RANBP2: variants seen among roughly 807,000 people sequenced by gnomAD.
RANBP2 encodes the protein RAN binding protein 2.
A neutral mutation model predicts 303.6 loss-of-function variants in RANBP2; 57 were observed. The ratio of observed to expected loss-of-function variants is 0.19; its 90% CI spans 0.15 to 0.23. RANBP2 has a LOEUF of 0.23. RANBP2 is among the 10% of genes least tolerant of loss of function. RANBP2 has a pLI of 1.00. For synonymous variants in RANBP2, 1,167 were observed against 1,301.5 expected (o/e 0.90, Z 2.23); for missense variants, 3,138 against 3,780.8 (o/e 0.83, Z 4.46).
At chr2:108,936,926 TC>T in the RANBP2 span, among the ~76,000 whole-genome samples, 1 of 152,224 alleles carries the variant, frequency 6.6e-6, no homozygotes, top group Non-Finnish European at 1.5e-5. Flanking sequence ...CTCAGTGATT[TC>T]TGACCCATTT....
intron 17 of RANBP2, among the ~76,000 whole-genome samples, chr2:108,755,492 A>G (rs1278635190): frequency 1.3e-5 from 2 of 151,754 alleles, no homozygotes; most frequent in African/African-American, 2.4e-5. Flanking sequence ...CTAGCTCAAG[A>G]GAGGCTCTTG....
In RANBP2 at chr2:108,784,175, A is replaced by G. The variant is rs1415825765; in HGVS notation, c.*274A>G. On this transcript the variant is annotated 3_prime_UTR_variant, in exon 29 of 29. Transcript: ENST00000283195. The stretch of plus-strand genomic sequence containing the variant: ...GAATAATACTAATCTTGTTAAAAGC[A>G]ATAGACCTCAAACTATTGAAGGAAT... 5.8e-6 allele frequency: 2 copies of G among 344,286 alleles called. No homozygotes were observed. Among genetic ancestry groups the G allele is most frequent in the East Asian group, 1.1e-4 (2 of 18,092 alleles). 21.3% of individuals were successfully genotyped at this position (344,286 alleles called of 1,614,324 possible). A position where few individuals can be genotyped will look rare whatever the true frequency, so the allele number is the denominator to read the frequency against.
the RANBP2 span, among the ~76,000 whole-genome samples, chr2:109,110,763 A>AAGACAGGCAAGACC: frequency 1.3e-5 from 2 of 152,170 alleles, no homozygotes; most frequent in Admixed American, 1.3e-4. Context: ...ACAGCTGTCC[A>AAGACAGGCAAGACC]TGCCTTCTTG....
At chr2:109,541,185 TG>T in the RANBP2 span, among the ~76,000 whole-genome samples, 1 of 152,256 alleles carries the variant, frequency 6.6e-6, no homozygotes, top group African/African-American at 2.4e-5. Context: ...CCTGTGTGAC[TG>T]GGACTCTTAA....
chr2:108,911,591 GC>G, the RANBP2 span, among the ~76,000 whole-genome samples: 4 of 152,290 alleles, frequency 2.6e-5, no homozygotes, highest in Non-Finnish European at 1.5e-5. Context: ...TATTCCACCT[GC>G]ACTGCCGCCT....
At chr2:109,491,944 G>T in the RANBP2 span, among the ~76,000 whole-genome samples, 1 of 152,190 alleles carries the variant, frequency 6.6e-6, no homozygotes, top group African/African-American at 2.4e-5. Flanking sequence ...GGAATGAGAC[G>T]GGGTCTATCT....
At chr2:108,827,613 GA>G in the RANBP2 span, among the ~76,000 whole-genome samples, 561 of 152,120 alleles carry the variant, frequency 3.7e-3, 3 homozygotes, top group Middle Eastern at 6.8e-3. Context: ...TCAGGAGACG[GA>G]GACTATCCTG....
the RANBP2 span, among the ~76,000 whole-genome samples, chr2:109,016,104 C>T: frequency 5.7e-5 from 8 of 140,314 alleles, no homozygotes; most frequent in South Asian, 1.1e-3. Context: ...TGTTTTGAGA[C>T]GGAGTTTCGC....
At chr2:108,893,689 G>C in the RANBP2 span, among the ~76,000 whole-genome samples, 1 of 152,024 alleles carries the variant, frequency 6.6e-6, no homozygotes, top group African/African-American at 2.4e-5. Context: ...TCACAAGACT[G>C]AAAAAACGAA....
the RANBP2 span, among the ~76,000 whole-genome samples, chr2:109,586,394 AGTTTATC>A: frequency 6.6e-6 from 1 of 151,948 alleles, no homozygotes; most frequent in African/African-American, 2.4e-5. Context: ...AGGTGAGATG[AGTTTATC>A]TAGCTTTTTC....
chr2:109,193,856 G>A, the RANBP2 span, among the ~76,000 whole-genome samples: 2 of 152,174 alleles, frequency 1.3e-5, no homozygotes, highest in Non-Finnish European at 2.9e-5. Flanking sequence ...CTAGCCCCGG[G>A]GATGGGTTTT....
chr2:109,652,132 A>G, the RANBP2 span, among the ~76,000 whole-genome samples: 3 of 152,162 alleles, frequency 2.0e-5, no homozygotes, highest in Non-Finnish European at 4.4e-5. Context: ...TGTCCTTACT[A>G]CATTAGACAA....
At chr2:109,315,336 A>G in the RANBP2 span, among the ~76,000 whole-genome samples, 1 of 152,208 alleles carries the variant, frequency 6.6e-6, no homozygotes, top group Non-Finnish European at 1.5e-5. Context: ...AACTAATGCC[A>G]AGCCAGGTAA....
At chr2:108,896,944 AC>A in the RANBP2 span, 2 of 1,612,802 alleles carry the variant, frequency 1.2e-6, no homozygotes, top group Non-Finnish European at 8.5e-7. Context: ...AGGTGGCACA[AC>A]CCCCGCCCAC....
chr2:109,724,493 A>T, the RANBP2 span, among the ~76,000 whole-genome samples: 2 of 151,952 alleles, frequency 1.3e-5, no homozygotes, highest in East Asian at 1.9e-4. Flanking sequence ...TCCTTCTCTT[A>T]TTGGACACAG....
chr2:109,313,387 G>T, the RANBP2 span, among the ~76,000 whole-genome samples: 1 of 152,262 alleles, frequency 6.6e-6, no homozygotes, highest in African/African-American at 2.4e-5. Context: ...TGAGACTGCA[G>T]GTGAAGTGTC....
the RANBP2 span, among the ~76,000 whole-genome samples, chr2:109,649,915 C>T: frequency 1.3e-5 from 2 of 152,182 alleles, no homozygotes; most frequent in African/African-American, 4.8e-5. Flanking sequence ...AAAGCCATTG[C>T]AACAATAAGT....
the RANBP2 span, among the ~76,000 whole-genome samples, chr2:108,875,319 TAA>T: frequency 6.3e-3 from 745 of 118,424 alleles, 23 homozygotes; most frequent in Admixed American, 7.4e-3. Context: ...TAAAGTATAA[TAA>T]AAAAAAAAAA....
At chr2:109,593,671 T>C in the RANBP2 span, among the ~76,000 whole-genome samples, 1 of 152,150 alleles carries the variant, frequency 6.6e-6, no homozygotes, top group Non-Finnish European at 1.5e-5. Context: ...CCCAGAGTGC[T>C]AGGATTACAG....
Sources: gnomAD v4.1 joint callset for allele counts (sites outside exome capture counted in the v4.1 genomes callset) on GRCh38, gnomAD v4.1.1 for gene constraint, MANE v1.5 for transcripts, NCBI Gene and HGNC (gene_info 2026-07-23, HGNC 2026-07-21) for gene names.